URI1: variants seen among roughly 807,000 people sequenced by gnomAD.
URI1 encodes unconventional prefoldin RPB5 interactor 1.
A neutral mutation model predicts 60.2 loss-of-function variants in URI1; 39 were observed. That is an observed-to-expected ratio of 0.65 (90% CI 0.50 to 0.85). The LOEUF (loss-of-function observed/expected upper bound fraction) is 0.85. URI1 is among the 40% of genes least tolerant of loss of function. URI1 has a pLI of 0.00. For missense variants in URI1, 691 were observed against 665.9 expected (o/e 1.04, Z -0.42); for synonymous variants, 251 against 236.8 (o/e 1.06, Z -0.55).
rs200364419 is a variant in URI1 at position 29,986,417 on chromosome 19, C to T, written c.367C>T (p.His123Tyr). The stretch of plus-strand genomic sequence containing the variant: ...AGGTTTAGTTGAGCACCGGAAAGAA[C>T]GTAGGTACCCATTTTAAATGATGTT... ...AVGLVEHRKEHVRKTIDDLKK... is the reference protein window; with the variant it reads ...AVGLVEHRKEYVRKTIDDLKK... The change falls in exon 4 of 11, where the codon CAT (histidine) becomes TAT (tyrosine). Residue 123 changes from histidine to tyrosine, a missense_variant and splice_region_variant. Transcript: ENST00000392271. 1.7e-5 allele frequency: 27 copies of T among 1,603,190 alleles called. No homozygotes were observed. The East Asian group carries it at 4.5e-4, about 27-fold the overall frequency.
intron 1 of URI1, among the ~76,000 whole-genome samples, chr19:29,968,984 G>A (rs1229384938): frequency 1.3e-5 from 2 of 151,660 alleles, no homozygotes; most frequent in Admixed American, 6.6e-5. Context: ...CTGCAAGTAG[G>A]TGGACCATAA....
At chr19:29,980,518 TC>T (rs2055579616) in intron 2 of URI1, among the ~76,000 whole-genome samples, 1 of 150,414 alleles carries the variant, frequency 6.6e-6, no homozygotes, top group African/African-American at 2.4e-5. Flanking sequence ...GAAATTTTTT[TC>T]CTCTTTCCCC....
intron 4 of URI1, among the ~76,000 whole-genome samples, chr19:30,000,677 T>A (rs185856183): frequency 6.6e-6 from 1 of 151,952 alleles, no homozygotes; most frequent in Non-Finnish European, 1.5e-5. Context: ...TTTTTGTTTT[T>A]AAAGCTTTGA....
intron 1 of URI1, among the ~76,000 whole-genome samples, chr19:29,934,607 C>T (rs1345656898): frequency 6.6e-6 from 1 of 152,240 alleles, no homozygotes; most frequent in Non-Finnish European, 1.5e-5. Context: ...GAGCTCATAG[C>T]TCACTGCAGC....
intron 2 of URI1, chr19:29,983,306 C>T (rs547224927): frequency 9.2e-5 from 14 of 152,224 alleles, no homozygotes; most frequent in South Asian, 2.1e-4. Flanking sequence ...CTTCCTTCTA[C>T]TTTGTCTTCT....
upstream of URI1, among the ~76,000 whole-genome samples, chr19:29,940,331 G>A (rs1164007495): frequency 6.6e-6 from 1 of 152,050 alleles, no homozygotes; most frequent in East Asian, 1.9e-4. Context: ...GATTCCTTAT[G>A]GGAGCACTTT....
At chr19:29,985,894 T>A (rs924259298) in intron 3 of URI1, among the ~76,000 whole-genome samples, 3 of 152,222 alleles carry the variant, frequency 2.0e-5, no homozygotes, top group African/African-American at 7.2e-5. Flanking sequence ...AGTGTCTACT[T>A]TATTGAAAAT....
chr19:29,997,253 G>A (rs2055823632), intron 4 of URI1, among the ~76,000 whole-genome samples: 1 of 152,086 alleles, frequency 6.6e-6, no homozygotes, highest in Non-Finnish European at 1.5e-5. Flanking sequence ...CTTGTTACAA[G>A]TCTATTCAGA....
intron 1 of URI1, among the ~76,000 whole-genome samples, chr19:29,944,431 C>T (rs78789536): frequency 0.023 from 3,474 of 151,690 alleles, 141 homozygotes; most frequent in African/African-American, 0.08. Context: ...ATAATACGTG[C>T]ATAATGCTGA....
At chr19:29,947,284 T>C (rs1192296623) in intron 1 of URI1, among the ~76,000 whole-genome samples, 1 of 152,240 alleles carries the variant, frequency 6.6e-6, no homozygotes, top group African/African-American at 2.4e-5. Flanking sequence ...AATTACATTA[T>C]AGGGAGCAAC....
upstream of URI1, among the ~76,000 whole-genome samples, chr19:29,942,034 A>C (rs140216253): frequency 0.013 from 408 of 32,312 alleles, no homozygotes; most frequent in Admixed American, 0.032. Context: ...TCATATACGT[A>C]ATCTCAAAAA....
intron 1 of URI1, among the ~76,000 whole-genome samples, chr19:29,963,768 C>T (rs1171543471): frequency 6.6e-6 from 1 of 152,156 alleles, no homozygotes; most frequent in Non-Finnish European, 1.5e-5. Context: ...TCACCTTACT[C>T]CGGGCAGGTG....
chr19:29,938,362 C>T (rs927566045), upstream of URI1, among the ~76,000 whole-genome samples: 1 of 152,112 alleles, frequency 6.6e-6, no homozygotes, highest in African/African-American at 2.4e-5. Context: ...AGGTGCCAGG[C>T]TCTTTTAAAC....
rs954847186 is a variant in URI1, at chr19:29,954,559, G to T, written c.117+11895G>T. 1.1e-3 allele frequency among the ~76,000 whole-genome samples: 149 copies of T among 133,616 alleles called. 3 individuals are homozygous for T. Among genetic ancestry groups the T allele is most frequent in the African/African-American group, 4.1e-3 (147 of 35,512 alleles). The allele number at this position is 133,616 out of a possible 152,430, so 87.7% of individuals were successfully genotyped here. A position where few individuals can be genotyped will look rare whatever the true frequency, so the allele number is the denominator to read the frequency against. ...GACAGAGTTTCACTCTTGTTGCCCA[G>T]GCTGGAGTGCAGTGGCGCAATCTCG... On this transcript the variant is annotated intron_variant, in intron 1 of 10. Coordinates refer to ENST00000392271, the MANE Select transcript of URI1 (RefSeq NM_003796.3).
chr19:30,016,402 A>C lies in URI1; in HGVS notation c.*1333A>C, dbSNP rs1409153835. The C allele has an allele frequency of 6.6e-6, 1 of 152,154 alleles. No individual in the cohort carries two copies. The highest frequency in any genetic ancestry group is 1.5e-5 in the Non-Finnish European group (1 of 67,974). The allele number at this position is 152,154 out of a possible 1,614,324, so 9.4% of individuals were successfully genotyped here. Reference sequence around the variant, plus strand: ...TCAACTATGCATATATTTTGTAGGTAAATCTTTCAGTCCATGCCCCAACCC... The same window carrying C: ...TCAACTATGCATATATTTTGTAGGTCAATCTTTCAGTCCATGCCCCAACCC... On this transcript the variant is annotated 3_prime_UTR_variant, in exon 11 of 11. Coordinates refer to ENST00000392271, the MANE Select transcript of URI1 (RefSeq NM_003796.3).
chr19:29,982,514 T>C (rs1040630577), intron 2 of URI1, among the ~76,000 whole-genome samples: 2 of 152,170 alleles, frequency 1.3e-5, no homozygotes, highest in African/African-American at 4.8e-5. Flanking sequence ...TCTAGGCTGG[T>C]GTATTTAGTC....
intron 7 of URI1, among the ~76,000 whole-genome samples, 174 bp from the exon 8 acceptor site, chr19:30,008,831 A>G (rs2055977507): frequency 6.6e-6 from 1 of 152,128 alleles, no homozygotes; most frequent in Admixed American, 6.6e-5. Context: ...CAGCATAGGA[A>G]CTGTTTTTTG....
intron 2 of URI1, among the ~76,000 whole-genome samples, chr19:29,971,948 G>T (rs922734540): frequency 6.6e-6 from 1 of 151,866 alleles, no homozygotes. Context: ...TTGTCTGCAG[G>T]GTTATTGCAA....
chr19:29,937,553 T>TTA (rs2054984351), upstream of URI1: 1 of 152,244 alleles, frequency 6.6e-6, no homozygotes, highest in African/African-American at 2.4e-5. Context: ...AGCCATCTGT[T>TTA]TGTTTAGAGA....
Sources: gnomAD v4.1 joint callset for allele counts (sites outside exome capture counted in the v4.1 genomes callset) on GRCh38, gnomAD v4.1.1 for gene constraint, MANE v1.5 for transcripts, NCBI Gene and HGNC (gene_info 2026-07-23, HGNC 2026-07-21) for gene names.